The following BMPR1A variants were observed in gnomAD, a reference collection of about 807,000 sequenced individuals.
The protein encoded by BMPR1A is bone morphogenetic protein receptor type 1A, also known as bone morphogenetic protein receptor type-1A.
BMPR1A carries 7 observed loss-of-function variants against 66.0 expected under a neutral mutation model. The observed-to-expected ratio is 0.11, with a 90% CI of 0.06 to 0.20. BMPR1A has a LOEUF of 0.20. Among genes scored for constraint, BMPR1A ranks in the 10% least tolerant of loss-of-function variants. The pLI, the probability that BMPR1A is intolerant of heterozygous loss-of-function variation, is 1.00. For synonymous variants in BMPR1A, 200 were observed against 229.7 expected (o/e 0.87, Z 1.17); for missense variants, 408 against 669.1 (o/e 0.61, Z 4.31).
At chr10:86,897,814 C>T (rs557590196) in intron 5 of BMPR1A, among the ~76,000 whole-genome samples, 4 of 152,246 alleles carry the variant, frequency 2.6e-5, no homozygotes, top group Non-Finnish European at 5.9e-5. Context: ...CTATTTTGCC[C>T]AGCCTGATCT....
upstream of BMPR1A, chr10:86,756,066 G>C (rs1847853570): frequency 2.6e-5 from 4 of 152,526 alleles, no homozygotes; most frequent in South Asian, 6.2e-4. Flanking sequence ...CCTTCCCAGC[G>C]ACCTTATTTC....
chr10:86,787,032 T>C (rs2132745408), intron 1 of BMPR1A, among the ~76,000 whole-genome samples: 1 of 152,362 alleles, frequency 6.6e-6, no homozygotes, highest in Admixed American at 6.5e-5. Context: ...TCATCTTTAT[T>C]GTTCTGAGAA....
Position 86,855,175 on chromosome 10 carries a change from A to G in BMPR1A, c.-153+16196A>G, listed in dbSNP as rs1842623646. 8.1e-6 allele frequency: 4 copies of G among 494,318 alleles called. No homozygotes were observed. In the East Asian group the frequency reaches 1.3e-4, roughly 16 times the overall value. The allele number at this position is 494,318 out of a possible 1,614,324, so 30.6% of individuals were successfully genotyped here. A position where few individuals can be genotyped will look rare whatever the true frequency, so the allele number is the denominator to read the frequency against. Reference sequence around the variant, plus strand: ...GACATCAGGTGATCAACCTGCTGGGATTACAGGCGTGAGCCACCACACCCT... The same window carrying G: ...GACATCAGGTGATCAACCTGCTGGGGTTACAGGCGTGAGCCACCACACCCT... On this transcript the variant is annotated intron_variant, in intron 2 of 12. Transcript: ENST00000372037.
chr10:86,807,848 C>G (rs1357539739), intron 1 of BMPR1A, among the ~76,000 whole-genome samples: 1 of 152,152 alleles, frequency 6.6e-6, no homozygotes, highest in Non-Finnish European at 1.5e-5. Context: ...CTCACTGCAA[C>G]CTCTGCCTCC....
intron 4 of BMPR1A, 45 bp downstream of exon 4, chr10:86,890,269 T>C (rs1207529112): frequency 6.2e-7 from 1 of 1,601,398 alleles, no homozygotes; most frequent in Non-Finnish European, 8.6e-7. Context: ...GAGAATAGAG[T>C]TGCATTTAGT....
rs561446290 is a variant in BMPR1A, at chr10:86,924,580, A to G, written c.*861A>G. 936 of 233,530 alleles carry G rather than the reference A, an allele frequency of 4.0e-3. 3 individuals are homozygous for G. The highest frequency in any genetic ancestry group is 0.019 in the African/African-American group (882 of 45,482). 14.5% of individuals were successfully genotyped at this position (233,530 alleles called of 1,614,324 possible). On this transcript the variant is annotated 3_prime_UTR_variant, in exon 13 of 13. Coordinates refer to ENST00000372037, the MANE Select transcript of BMPR1A (RefSeq NM_004329.3). The stretch of plus-strand genomic sequence containing the variant: ...CTCCAAAGTTGGAGCTTCTATTGCC[A>G]TGAACCATGCTTACAAAGAAAGCAC...
At chr10:86,901,625 C>A (rs1288876780) in intron 7 of BMPR1A, among the ~76,000 whole-genome samples, 9 of 152,084 alleles carry the variant, frequency 5.9e-5, no homozygotes, top group Non-Finnish European at 1.5e-5. Context: ...TTTCTCCTTG[C>A]CTGTTAGATA....
chr10:86,845,062 C>T (rs1387340948), intron 2 of BMPR1A, among the ~76,000 whole-genome samples: 1 of 152,212 alleles, frequency 6.6e-6, no homozygotes, highest in Non-Finnish European at 1.5e-5. Flanking sequence ...CCCAGTGCAG[C>T]ATACTCTGTT....
rs1057518941 is a variant in BMPR1A at position 86,900,097 on chromosome 10, GATC to G, written c.505_507del (p.Ile169del). The G allele has an allele frequency of 6.2e-7, 1 of 1,613,916 alleles. No individual in the cohort carries two copies. On this transcript the variant is annotated inframe_deletion, in exon 7 of 13. Coordinates refer to ENST00000372037, the MANE Select transcript of BMPR1A (RefSeq NM_004329.3). ...CTATGGCTGTCTGCATAATTGCTAT[GATC>G]ATCTTCTCCAGCTGCTTTTGTTACA...
downstream of BMPR1A, chr10:86,931,242 C>CG (rs1843804442): frequency 2.0e-5 from 1 of 50,240 alleles, no homozygotes; most frequent in East Asian, 8.4e-4. Flanking sequence ...CTCCGTCTCT[C>CG]AAAAAAAAAA....
At chr10:86,859,696 G>T (rs1842688038) in intron 2 of BMPR1A, among the ~76,000 whole-genome samples, 1 of 152,114 alleles carries the variant, frequency 6.6e-6, no homozygotes, top group Non-Finnish European at 1.5e-5. Flanking sequence ...TGTAGTCCCA[G>T]CTACTCGGGA....
At chr10:86,833,449 C>T (rs1449835204) in intron 1 of BMPR1A, among the ~76,000 whole-genome samples, 6 of 151,872 alleles carry the variant, frequency 4.0e-5, no homozygotes, top group Non-Finnish European at 7.4e-5. Flanking sequence ...TTTAAAGATA[C>T]GTGTATCAGA....
Position 86,916,587 on chromosome 10 carries a change from G to A in BMPR1A, c.676-547G>A, listed in dbSNP as rs368207905. Among the ~76,000 whole-genome samples the A allele has an allele frequency of 9.6e-4, 147 of 152,348 alleles. 7 individuals carry two copies. In the South Asian group the frequency reaches 0.021, roughly 22 times the overall value. On this transcript the variant is annotated intron_variant, in intron 8 of 12. Transcript: ENST00000372037. ...GAGTCTGTGGACCAAGACTACCCACGACTGTGTGCACTGGGAGGGTAATTA... is the reference window on the plus strand; with the variant it reads ...GAGTCTGTGGACCAAGACTACCCACAACTGTGTGCACTGGGAGGGTAATTA...
chr10:86,857,567 G>T (rs556685575), intron 2 of BMPR1A, among the ~76,000 whole-genome samples: 4 of 152,132 alleles, frequency 2.6e-5, no homozygotes, highest in East Asian at 3.9e-4. Context: ...GTTTCACAAG[G>T]TTGCAGTCAG....
chr10:86,759,833 T>C (rs1046572538), intron 1 of BMPR1A, among the ~76,000 whole-genome samples: 9 of 152,214 alleles, frequency 5.9e-5, no homozygotes, highest in Admixed American at 5.2e-4. Context: ...TGAGTAACAC[T>C]TCAATTTCTT....
chr10:86,781,922 A>C (rs1053605743), intron 1 of BMPR1A, among the ~76,000 whole-genome samples: 17 of 130,878 alleles, frequency 1.3e-4, no homozygotes, highest in Non-Finnish European at 2.3e-4. Context: ...GCTGGAGTGC[A>C]GTGGCGCGAT....
At chr10:86,866,971 A>G (rs1842794962) in intron 2 of BMPR1A, among the ~76,000 whole-genome samples, 1 of 152,180 alleles carries the variant, frequency 6.6e-6, no homozygotes, top group African/African-American at 2.4e-5. Flanking sequence ...ACTAATTTGT[A>G]AGTTATAAAA....
At chr10:86,768,991 A>C (rs751676966) in intron 1 of BMPR1A, among the ~76,000 whole-genome samples, 19 of 152,262 alleles carry the variant, frequency 1.2e-4, no homozygotes, top group Non-Finnish European at 2.2e-4. Context: ...AGAAATAAGC[A>C]GGACAGTTCT....
At chr10:86,793,209 G>A (rs1841656788) in intron 1 of BMPR1A, among the ~76,000 whole-genome samples, 1 of 150,562 alleles carries the variant, frequency 6.6e-6, no homozygotes, top group Non-Finnish European at 1.5e-5. Flanking sequence ...CAGTTGACTT[G>A]TTAGGAGAAG....
Sources: allele counts gnomAD v4.1 joint callset (sites outside exome capture counted in the v4.1 genomes callset), GRCh38; gene constraint gnomAD v4.1.1; transcripts MANE v1.5; gene names NCBI Gene and HGNC (gene_info 2026-07-23, HGNC 2026-07-21).